The following CXADR variants were observed in gnomAD, a reference collection of about 807,000 sequenced individuals.
The protein encoded by CXADR is coxsackievirus and adenovirus receptor.
A neutral mutation model predicts 40.3 loss-of-function variants in CXADR; 20 were observed. The observed-to-expected ratio is 0.50, with a 90% CI of 0.35 to 0.72. The LOEUF (loss-of-function observed/expected upper bound fraction) is 0.72. Among genes scored for constraint, CXADR ranks in the 30% least tolerant of loss-of-function variants. The pLI is 0.01. For synonymous variants in CXADR, 150 were observed against 161.3 expected (o/e 0.93, Z 0.53); for missense variants, 332 against 449.1 (o/e 0.74, Z 2.36).
chr21:17,627,297 G>T, the CXADR span, among the ~76,000 whole-genome samples: 1 of 152,072 alleles, frequency 6.6e-6, no homozygotes, highest in Non-Finnish European at 1.5e-5. Context: ...CGGAGGTTGC[G>T]GTGAGCCGAG....
chr21:17,596,880 T>C (rs765256277), downstream of CXADR, among the ~76,000 whole-genome samples: 3 of 152,084 alleles, frequency 2.0e-5, no homozygotes, highest in Admixed American at 6.6e-5. Flanking sequence ...TAATTCTTTA[T>C]CCCCTCTCTT....
intron 7 of CXADR, among the ~76,000 whole-genome samples, chr21:17,591,284 CT>C (rs1305784378): frequency 7.9e-5 from 12 of 152,074 alleles, no homozygotes; most frequent in Non-Finnish European, 1.3e-4. Flanking sequence ...TACATACCCC[CT>C]GAGGCTGTGA....
chr21:17,630,622 T>C, the CXADR span, among the ~76,000 whole-genome samples: 12 of 150,728 alleles, frequency 8.0e-5, no homozygotes, highest in Non-Finnish European at 1.3e-4. Context: ...GTCTTTTAAA[T>C]GTAGAGAAGA....
intron 7 of CXADR, among the ~76,000 whole-genome samples, chr21:17,577,612 C>CT (rs532541050): frequency 0.025 from 901 of 36,560 alleles, 179 homozygotes; most frequent in African/African-American, 0.072. Context: ...ATTCTGCAAG[C>CT]TTTTTTTTTT....
At chr21:17,620,096 G>T in the CXADR span, among the ~76,000 whole-genome samples, 1 of 152,160 alleles carries the variant, frequency 6.6e-6, no homozygotes. Context: ...TTTCCTTCAA[G>T]AACTTTTCTT....
chr21:17,596,127 G>C (rs1235630264), downstream of CXADR, among the ~76,000 whole-genome samples: 1 of 151,684 alleles, frequency 6.6e-6, no homozygotes, highest in Non-Finnish European at 1.5e-5. Context: ...ATTTTTCATT[G>C]AATCATTTAC....
chr21:17,623,970 A>T, the CXADR span, among the ~76,000 whole-genome samples: 3 of 152,168 alleles, frequency 2.0e-5, no homozygotes, highest in East Asian at 5.8e-4. Flanking sequence ...TGTTGCATGA[A>T]TGATGGCAAC....
rs1331848595 is a variant in CXADR, at chr21:17,567,221, G to A, written c.*1529G>A. ...GTTAATATCTTTGGGTGCTGTGGTG[G>A]TAAATGCTATATTATGAACGGTGGC... On this transcript the variant is annotated 3_prime_UTR_variant, in exon 7 of 7. Coordinates refer to ENST00000284878, the MANE Select transcript of CXADR (RefSeq NM_001338.5). 2.0e-6 allele frequency: 2 copies of A among 985,278 alleles called. No homozygotes were observed. The highest frequency in any genetic ancestry group is 2.4e-6 in the Non-Finnish European group (2 of 829,932). The allele number at this position is 985,278 out of a possible 1,614,324, so 61.0% of individuals were successfully genotyped here.
chr21:17,594,331 A>C (rs762983299), downstream of CXADR: 2 of 1,612,490 alleles, frequency 1.2e-6, no homozygotes, highest in East Asian at 2.2e-5. Flanking sequence ...AAGTTCTGAA[A>C]TCTGTAGGGA....
At chr21:17,520,006 C>A (rs1253218661) in intron 1 of CXADR, among the ~76,000 whole-genome samples, 2 of 151,954 alleles carry the variant, frequency 1.3e-5, no homozygotes, top group Non-Finnish European at 2.9e-5. Flanking sequence ...CGCACATGCA[C>A]ACACACACAT....
At chr21:17,604,763 T>C in the CXADR span, 1 of 1,397,930 alleles carries the variant, frequency 7.2e-7, no homozygotes, top group Non-Finnish European at 9.5e-7. Context: ...CACCAGCTCC[T>C]GGCCATAAAG....
At chr21:17,519,298 A>G (rs1460121025) in intron 1 of CXADR, among the ~76,000 whole-genome samples, 1 of 152,198 alleles carries the variant, frequency 6.6e-6, no homozygotes, top group African/African-American at 2.4e-5. Flanking sequence ...GTGTTCAGCA[A>G]GTCCTTTTTG....
intron 1 of CXADR, among the ~76,000 whole-genome samples, chr21:17,517,048 A>C (rs2060470813): frequency 6.6e-6 from 1 of 152,118 alleles, no homozygotes; most frequent in Non-Finnish European, 1.5e-5. Context: ...TAGATCTCTT[A>C]ATATATTATT....
chr21:17,589,773 C>A (rs906485828), intron 7 of CXADR, among the ~76,000 whole-genome samples: 3 of 152,016 alleles, frequency 2.0e-5, no homozygotes, highest in African/African-American at 7.2e-5. Flanking sequence ...TTGAGTACTT[C>A]TGTAGATAAA....
chr21:17,543,521 A>G (rs2060856159), intron 1 of CXADR, among the ~76,000 whole-genome samples: 1 of 152,160 alleles, frequency 6.6e-6, no homozygotes, highest in Non-Finnish European at 1.5e-5. Context: ...ATTGATAGCA[A>G]TTTTTTATTC....
At chr21:17,593,666 T>C (rs966710564), downstream of CXADR, 1 of 163,342 alleles carries the variant, frequency 6.1e-6, no homozygotes, top group East Asian at 1.8e-4. Context: ...TGCCTCAAAC[T>C]ATTTTTTATT....
intron 1 of CXADR, among the ~76,000 whole-genome samples, chr21:17,524,039 T>C (rs1222993328): frequency 6.9e-6 from 1 of 144,062 alleles, no homozygotes; most frequent in African/African-American, 2.8e-5. Flanking sequence ...TGTGTGTGTG[T>C]GTGCGTGTGT....
In CXADR at chr21:17,545,849, G is replaced by A. The variant is rs1388831762; in HGVS notation, c.44-1178G>A. Among the ~76,000 whole-genome samples the A allele has an allele frequency of 2.7e-5, 4 of 149,006 alleles. No homozygotes were observed. In the South Asian group the frequency reaches 8.5e-4, roughly 32 times the overall value. On this transcript the variant is annotated intron_variant, in intron 1 of 6. Coordinates refer to ENST00000284878, the MANE Select transcript of CXADR (RefSeq NM_001338.5). ...GGCTGGAATGCAATGGCACAATGTC[G>A]GCTCACTGCAACCTCCGCCTCCCAG...
Position 17,569,021 on chromosome 21 carries a change from T to G in CXADR, c.*3329T>G. 1 of 985,154 alleles carries G rather than the reference T, an allele frequency of 1.0e-6. No homozygotes were observed. The highest frequency in any genetic ancestry group is 1.2e-6 in the Non-Finnish European group (1 of 829,688). 61.0% of individuals were successfully genotyped at this position (985,154 alleles called of 1,614,324 possible). On this transcript the variant is annotated 3_prime_UTR_variant, in exon 7 of 7. Transcript: ENST00000284878. ...ACTTTTTCAAATTTAAGAGTTAATCTTGGAAATTTGGAACAAGTAAAGGGG... is the reference window on the plus strand; with the variant it reads ...ACTTTTTCAAATTTAAGAGTTAATCGTGGAAATTTGGAACAAGTAAAGGGG...
Sources: gnomAD v4.1 joint callset for allele counts (sites outside exome capture counted in the v4.1 genomes callset) on GRCh38, gnomAD v4.1.1 for gene constraint, MANE v1.5 for transcripts, NCBI Gene and HGNC (gene_info 2026-07-23, HGNC 2026-07-21) for gene names.